Variants in RTTN observed in about 807,000 individuals in gnomAD.
RTTN encodes rotatin.
In RTTN, 182 loss-of-function variants were observed where a neutral mutation model predicts 269.2. The observed-to-expected ratio is 0.68, with a 90% confidence interval of 0.60 to 0.76. RTTN has a LOEUF of 0.76. Ranked by LOEUF, RTTN falls within the 30% of genes least tolerant of loss-of-function variation. The pLI is 0.00. For missense variants in RTTN, 2,545 were observed against 2,608.6 expected (o/e 0.98, Z 0.53); for synonymous variants, 1,006 against 963.5 (o/e 1.04, Z -0.82).
rs79475096 is a variant in RTTN at position 70,168,191 on chromosome 18, A to G, written c.1689+664T>C. Among the ~76,000 whole-genome samples the G allele has an allele frequency of 1.4e-3, 217 of 152,208 alleles. 1 individual carries two copies. Among genetic ancestry groups the G allele is most frequent in the African/African-American group, 4.9e-3 (204 of 41,564 alleles). ...AGGCACCAAAATGAGTAAGAATTTT[A>G]TCCCTAATTCTTCAAGATCTTCAGG... On this transcript the variant is annotated intron_variant, in intron 12 of 48. Transcript: ENST00000640769.
At chr18:70,143,076 G>A (rs962947852) in intron 18 of RTTN, among the ~76,000 whole-genome samples, 1 of 152,062 alleles carries the variant, frequency 6.6e-6, no homozygotes, top group Non-Finnish European at 1.5e-5. Flanking sequence ...ATGGTCCCTC[G>A]TAGCAGTTTT....
At chr18:70,109,813 T>G in intron 27 of RTTN, 96 bp from the exon 28 acceptor site, 1 of 926,278 alleles carries the variant, frequency 1.1e-6, no homozygotes, top group Non-Finnish European at 1.6e-6. Flanking sequence ...AAACTCATAG[T>G]AATAGAAAAA....
At chr18:70,028,538 T>C (rs1415341141) in intron 43 of RTTN, among the ~76,000 whole-genome samples, 186 bp downstream of exon 43, 1 of 152,144 alleles carries the variant, frequency 6.6e-6, no homozygotes, top group Non-Finnish European at 1.5e-5. Context: ...GTAATCAGTG[T>C]CGATGAATAA....
intron 28 of RTTN, 77 bp downstream of exon 28, chr18:70,109,421 C>G (rs138830209): frequency 1.0e-6 from 1 of 982,566 alleles, no homozygotes; most frequent in Non-Finnish European, 1.6e-6. Context: ...AATAGAGTAA[C>G]GTATAATGCA....
chr18:70,140,157 T>G lies in RTTN; in HGVS notation c.2613A>C (p.Leu871Phe), dbSNP rs2060220427. ...ACTCAATTATTTTGTCAATTAAGCA[T>G]AACTTTTTCACCACAGCATGCATTT... ...DIKMHAVVKK[L>F]CLIDKIIEYL... The change falls in exon 20 of 49, where the codon TTA becomes TTC. Residue 871 changes from leucine (L) to phenylalanine (F), a missense_variant. By Grantham distance (22) the Leu-to-Phe change is conservative. Coordinates refer to ENST00000640769, the MANE Select transcript of RTTN (RefSeq NM_173630.4). 7.5e-6 allele frequency: 12 copies of G among 1,599,456 alleles called. No homozygotes were observed. The highest frequency in any genetic ancestry group is 9.4e-6 in the Non-Finnish European group (11 of 1,167,722).
In RTTN at chr18:70,017,639, C is replaced by A. The variant is rs77798966; in HGVS notation, c.6189G>T (p.Leu2063Phe). 1,249 of 1,613,330 alleles carry A rather than the reference C, an allele frequency of 7.7e-4. 1 individual carries two copies. The highest frequency in any genetic ancestry group is 9.8e-4 in the Non-Finnish European group (1,152 of 1,179,468). Residue 2063 changes from leucine to phenylalanine, a missense_variant, in exon 46 of 49, where the codon TTG becomes TTT. Coordinates refer to ENST00000640769, the MANE Select transcript of RTTN (RefSeq NM_173630.4). The part of the protein sequence containing the change: ...NFLQNFLSLA[L>F]PKGGNKHLSN... ...TTAGATGTTTATTTCCTCCTTTTGG[C>A]AATGCTAGAGAGAGGAAGTTCTGTA...
intron 1 of RTTN, 54 bp downstream of exon 1, chr18:70,205,574 G>A (rs2062058601): frequency 6.2e-7 from 1 of 1,609,902 alleles, no homozygotes; most frequent in South Asian, 1.1e-5. Flanking sequence ...ACCATTCTCA[G>A]CAAGTGGCCA....
intron 28 of RTTN, among the ~76,000 whole-genome samples, chr18:70,095,299 A>T (rs1260017471): frequency 2.6e-5 from 4 of 152,122 alleles, no homozygotes; most frequent in African/African-American, 4.8e-5. Flanking sequence ...GCCTGTTTAC[A>T]TTTAAGATTA....
chr18:70,129,125 T>C (rs1404534391), intron 23 of RTTN: 2 of 152,074 alleles, frequency 1.3e-5, no homozygotes, highest in Non-Finnish European at 2.9e-5. Context: ...TAAAAACAGA[T>C]TCAATAGCAG....
rs146995332 is a variant in RTTN, at chr18:70,175,933, C to A, written c.1476+742G>T. Among the ~76,000 whole-genome samples the A allele has an allele frequency of 2.8e-4, 42 of 152,134 alleles. No homozygotes were observed. The East Asian group carries it at 7.9e-3, about 29-fold the overall frequency. The stretch of plus-strand genomic sequence containing the variant: ...AAGTAAAGAACTCTGACAACACGTA[C>A]CTAGCTGAAGAGAAGGAAAGGCTAC... On this transcript the variant is annotated intron_variant, in intron 11 of 48. Coordinates refer to ENST00000640769, the MANE Select transcript of RTTN (RefSeq NM_173630.4).
chr18:70,039,371 C>A, intron 40 of RTTN, among the ~76,000 whole-genome samples: 1 of 149,274 alleles, frequency 6.7e-6, no homozygotes. Flanking sequence ...TTACAGGTCA[C>A]GAGAGAGTGG....
At chr18:70,061,321 C>G (rs1372659470) in intron 35 of RTTN, 5 of 455,874 alleles carry the variant, frequency 1.1e-5, no homozygotes, top group Non-Finnish European at 1.8e-5. Context: ...CTTTCTGGCA[C>G]AGCAAGATGT....
At chr18:70,186,149 GTTATT>G in intron 10 of RTTN, among the ~76,000 whole-genome samples, 1 of 150,842 alleles carries the variant, frequency 6.6e-6, no homozygotes, top group Non-Finnish European at 1.5e-5. Flanking sequence ...CCATAGGAAT[GTTATT>G]TGTAATAACT....
chr18:70,040,973 C>A (rs2144714737), intron 40 of RTTN, among the ~76,000 whole-genome samples: 1 of 152,110 alleles, frequency 6.6e-6, no homozygotes, highest in East Asian at 1.9e-4. Context: ...TAATCCCAGC[C>A]CTTCGGGAGG....
intron 10 of RTTN, among the ~76,000 whole-genome samples, chr18:70,184,712 T>TGTGTGTG (rs1282660729): frequency 7.2e-5 from 4 of 55,220 alleles, no homozygotes; most frequent in African/African-American, 2.4e-4. Context: ...GGTTTTTTTT[T>TGTGTGTG]TTTTTGTGTG....
rs556904095 is a variant in RTTN at position 70,127,716 on chromosome 18, T to C, written c.3169A>G (p.Thr1057Ala). The C allele has an allele frequency of 1.2e-6, 2 of 1,611,476 alleles. No individual in the cohort carries two copies. Among genetic ancestry groups the C allele is most frequent in the African/African-American group, 1.3e-5 (1 of 74,890 alleles). Residue 1057 changes from threonine to alanine, a missense_variant, in exon 25 of 49, where the codon ACA becomes GCA. Physicochemically the swap from Thr to Ala is moderately conservative, Grantham distance 58 (BLOSUM62 0). Coordinates refer to ENST00000640769, the MANE Select transcript of RTTN (RefSeq NM_173630.4). ...QEILDALKLS[T>A]EDILTLKITH... The stretch of plus-strand genomic sequence containing the variant: ...ATCTTCAGAGTGAGGATGTCCTCTG[T>C]AGATAACTTCAATGCATCTAAAATT...
intron 3 of RTTN, 48 bp downstream of exon 3, chr18:70,204,038 T>C (rs765053615): frequency 4.4e-6 from 6 of 1,358,722 alleles, no homozygotes; most frequent in South Asian, 1.4e-5. Context: ...CCTTAAAATT[T>C]ACCATTAGAA....
intron 4 of RTTN, among the ~76,000 whole-genome samples, chr18:70,201,627 A>AAC (rs2061953920): frequency 1.3e-5 from 2 of 150,152 alleles, no homozygotes; most frequent in Admixed American, 6.6e-5. Flanking sequence ...AAAAAAAAAA[A>AAC]AAAAAAACTC....
At chr18:70,013,651 ATTACCTTAATATAATAATTGAATG>A (rs1455380898) in intron 46 of RTTN, among the ~76,000 whole-genome samples, 2 of 152,220 alleles carry the variant, frequency 1.3e-5, no homozygotes, top group Admixed American at 1.3e-4. Context: ...TGAACTGAAT[ATTACCTTAATATAATAATTGAATG>A]TTACCTTAAT....
Sources: allele counts gnomAD v4.1 joint callset (sites outside exome capture counted in the v4.1 genomes callset), GRCh38; gene constraint gnomAD v4.1.1; transcripts MANE v1.5; gene names NCBI Gene and HGNC (gene_info 2026-07-23, HGNC 2026-07-21).